The following CHRNB2 variants were observed in gnomAD, a reference collection of about 807,000 sequenced individuals.
CHRNB2 encodes cholinergic receptor nicotinic beta 2 subunit.
Under a neutral mutation model 42.7 loss-of-function variants are expected in CHRNB2, and 33 were observed. The observed-to-expected ratio is 0.77, with a 90% CI of 0.59 to 1.03. CHRNB2 has a LOEUF of 1.03. Among genes scored for constraint, CHRNB2 ranks in the 50% least tolerant of loss-of-function variants. The probability of loss-of-function intolerance (pLI) is 0.00; values close to 1 mark genes in which losing one functional copy is unlikely to be tolerated. For missense variants in CHRNB2, 603 were observed against 700.9 expected, an observed-to-expected ratio of 0.86 and a Z score of 1.58; for synonymous variants, 325 against 292.9, an observed-to-expected ratio of 1.11 and a Z score of -1.12.
chr1:154,571,328 T>G lies in CHRNB2; in HGVS notation c.505T>G (p.Cys169Gly). 1 of 1,614,220 alleles carries G rather than the reference T, an allele frequency of 6.2e-7. No individual in the cohort carries two copies. Among genetic ancestry groups the G allele is most frequent in the Non-Finnish European group, 8.5e-7 (1 of 1,180,036 alleles). The change falls in exon 5 of 6, where the codon TGC becomes GGC. Residue 169 changes from cysteine (C) to glycine (G), a missense_variant. By Grantham distance (159) the Cys-to-Gly change is radical. Transcript: ENST00000368476. This position sits in a 1 kb window ranked among gnomAD's most constrained non-coding sequence, Gnocchi z 6.8. ...VKHFPFDQQNCTMKFRSWTYD... is the reference protein window; with the variant it reads ...VKHFPFDQQNGTMKFRSWTYD... The stretch of plus-strand genomic sequence containing the variant: ...GCACTTCCCATTTGACCAGCAGAAC[T>G]GCACCATGAAGTTCCGTTCGTGGAC...
rs370886747 is a variant in CHRNB2, at chr1:154,571,471, C to T, written c.648C>T (p.Pro216=). Residue 216 remains proline (P), a synonymous_variant, in exon 5 of 6, where the codon CCC becomes CCT. Coordinates refer to ENST00000368476, the MANE Select transcript of CHRNB2 (RefSeq NM_000748.3). This position sits in a 1 kb window ranked among gnomAD's most constrained non-coding sequence, Gnocchi z 6.8. ...TGCCGGGCCGGCGCAACGAGAACCC[C>T]GACGACTCTACGTACGTGGACATCA... ...VALPGRRNEN[P]DDSTYVDITY... The T allele has an allele frequency of 1.5e-5, 25 of 1,613,928 alleles. No homozygotes were observed. The highest frequency in any genetic ancestry group is 8.8e-5 in the South Asian group (8 of 91,094).
Position 154,576,244 on chromosome 1 carries a change from A to C in CHRNB2, c.*312A>C. 2.2e-6 allele frequency: 1 copy of C among 464,006 alleles called. No individual in the cohort carries two copies. Among genetic ancestry groups the C allele is most frequent in the Non-Finnish European group, 4.0e-6 (1 of 249,628 alleles). 28.7% of individuals were successfully genotyped at this position (464,006 alleles called of 1,614,324 possible). On this transcript the variant is annotated 3_prime_UTR_variant, in exon 6 of 6. Transcript: ENST00000368476. The stretch of plus-strand genomic sequence containing the variant: ...GCAGAGCCATCCACCCTGAGGAGTG[A>C]TGGGCAAGGGGCCAGGAAGGGGACA...
At chr1:154,573,092 G>A (rs1281389208) in intron 5 of CHRNB2, among the ~76,000 whole-genome samples, 1 of 152,160 alleles carries the variant, frequency 6.6e-6, no homozygotes, top group Admixed American at 6.5e-5. Flanking sequence ...TGCGGTGTGG[G>A]CCTCAGAGAT....
chr1:154,571,408 C>T lies in CHRNB2; in HGVS notation c.585C>T (p.Asp195=), dbSNP rs764809084. The T allele has an allele frequency of 2.5e-6, 4 of 1,614,202 alleles. No homozygotes were observed. The highest frequency in any genetic ancestry group is 1.1e-5 in the South Asian group (1 of 91,086). The change falls in exon 5 of 6, where the codon GAC becomes GAT. Residue 195 remains aspartate, a synonymous_variant. Coordinates refer to ENST00000368476, the MANE Select transcript of CHRNB2 (RefSeq NM_000748.3). The surrounding 1 kb of genome is among the most constrained non-coding windows in gnomAD (Gnocchi z 6.8). ...TGAAGAGTGAGGTGGCCAGCCTGGA[C>T]GACTTCACACCTAGTGGTGAGTGGG... The part of the protein sequence containing the change: ...LVLKSEVASL[D]DFTPSGEWDI...
intron 5 of CHRNB2, among the ~76,000 whole-genome samples, chr1:154,573,559 T>G (rs990774210): frequency 2.6e-5 from 4 of 152,178 alleles, no homozygotes; most frequent in African/African-American, 9.7e-5. Flanking sequence ...CTCAGCTTCA[T>G]CTGTTTTTCA....
chr1:154,578,982 GCTCT>G lies in CHRNB2; in HGVS notation c.*3053_*3056del, dbSNP rs1696335474. On this transcript the variant is annotated 3_prime_UTR_variant, in exon 6 of 6. Coordinates refer to ENST00000368476, the MANE Select transcript of CHRNB2 (RefSeq NM_000748.3). The stretch of plus-strand genomic sequence containing the variant: ...TTGTCTGAAAAGAAGGCATGCACAG[GCTCT>G]CTGCTTTTGACAGGTGGCGTTGCAG... 6.6e-6 allele frequency: 1 copy of G among 152,238 alleles called. No homozygotes were observed. Among genetic ancestry groups the G allele is most frequent in the Non-Finnish European group, 1.5e-5 (1 of 68,056 alleles). 9.4% of individuals were successfully genotyped at this position (152,238 alleles called of 1,614,324 possible). A position where few individuals can be genotyped will look rare whatever the true frequency, so the allele number is the denominator to read the frequency against.
Position 154,568,024 on chromosome 1 carries a change from G to A in CHRNB2, c.-21G>A, listed in dbSNP as rs1306314057. The A allele has an allele frequency of 1.3e-6, 2 of 1,566,000 alleles. No individual in the cohort carries two copies. Among genetic ancestry groups the A allele is most frequent in the Admixed American group, 1.8e-5 (1 of 54,506 alleles). ...GCGCGCTCCAGCCGGTGTAGGCGAG[G>A]CAGCGAGCTATGCCCGCGGCATGGC... is the stretch of plus-strand genomic sequence containing the variant. On this transcript the variant is annotated 5_prime_UTR_variant, in exon 1 of 6. Coordinates refer to ENST00000368476, the MANE Select transcript of CHRNB2 (RefSeq NM_000748.3).
At position 154,579,799 on chromosome 1, in the gene CHRNB2, G is replaced by T. The variant is rs1373512587; in HGVS notation, c.*3867G>T. 1.3e-5 allele frequency: 2 copies of T among 152,294 alleles called. No individual in the cohort carries two copies. The highest frequency in any genetic ancestry group is 2.9e-5 in the Non-Finnish European group (2 of 68,120). 9.4% of individuals were successfully genotyped at this position (152,294 alleles called of 1,614,324 possible). On this transcript the variant is annotated 3_prime_UTR_variant, in exon 6 of 6. Transcript: ENST00000368476. ...TTGGCCTCCCCGCTCTGCACGCCTG[G>T]AGTATTTGCACTGGTCTAGCCTACT...
Position 154,577,409 on chromosome 1 carries a change from C to A in CHRNB2, c.*1477C>A. On this transcript the variant is annotated 3_prime_UTR_variant, in exon 6 of 6. Transcript: ENST00000368476. ...GCACAGAGCATGGGACAGGGACCCC[C>A]GAGTCTGGATTCAAGTCCTGGCCCT... 1 of 152,374 alleles carries A rather than the reference C, an allele frequency of 6.6e-6. No homozygotes were observed. 9.4% of individuals were successfully genotyped at this position (152,374 alleles called of 1,614,324 possible). A position where few individuals can be genotyped will look rare whatever the true frequency, so the allele number is the denominator to read the frequency against.
chr1:154,576,365 A>G lies in CHRNB2; in HGVS notation c.*433A>G, dbSNP rs185006462. On this transcript the variant is annotated 3_prime_UTR_variant, in exon 6 of 6. Coordinates refer to ENST00000368476, the MANE Select transcript of CHRNB2 (RefSeq NM_000748.3). ...CACCGCACCGGGCTGGCCTGACACAATGGTAGCTCTGAAGGGAGGGGAAGA... is the reference window on the plus strand; with the variant it reads ...CACCGCACCGGGCTGGCCTGACACAGTGGTAGCTCTGAAGGGAGGGGAAGA... 2.9e-5 allele frequency: 9 copies of G among 306,446 alleles called. No individual in the cohort carries two copies. Among genetic ancestry groups the G allele is most frequent in the Middle Eastern group, 1.1e-3 (1 of 870 alleles). The allele number at this position is 306,446 out of a possible 1,614,324, so 19.0% of individuals were successfully genotyped here. A position where few individuals can be genotyped will look rare whatever the true frequency, so the allele number is the denominator to read the frequency against.
intron 5 of CHRNB2, among the ~76,000 whole-genome samples, chr1:154,574,918 C>T (rs1696243215): frequency 6.6e-6 from 1 of 152,232 alleles, no homozygotes; most frequent in Non-Finnish European, 1.5e-5. Flanking sequence ...CACAAAGGCC[C>T]AGACTCAGGC....
intron 5 of CHRNB2, among the ~76,000 whole-genome samples, chr1:154,573,363 A>T (rs1182782198): frequency 6.6e-6 from 1 of 152,218 alleles, no homozygotes; most frequent in Non-Finnish European, 1.5e-5. Flanking sequence ...AACATGCTCA[A>T]AACTGAGTAT....
At chr1:154,569,957 T>TA in intron 3 of CHRNB2, 121 bp downstream of exon 3, 1 of 1,137,818 alleles carries the variant, frequency 8.8e-7, no homozygotes, top group Admixed American at 2.0e-5. Context: ...TTTGGAGTCC[T>TA]AAACAATTGG....
chr1:154,568,704 G>T (rs747757694), intron 1 of CHRNB2, among the ~76,000 whole-genome samples: 1 of 151,978 alleles, frequency 6.6e-6, no homozygotes, highest in South Asian at 2.1e-4. Context: ...GGGTGTGTTC[G>T]TGCAGAGTTG....
At chr1:154,572,929 C>G (rs550506337) in intron 5 of CHRNB2, among the ~76,000 whole-genome samples, 164 of 152,252 alleles carry the variant, frequency 1.1e-3, no homozygotes, top group Non-Finnish European at 1.7e-3. Context: ...GACATCCCCC[C>G]GACCCCGCAC....
chr1:154,572,696 T>C (rs1696201094), intron 5 of CHRNB2, among the ~76,000 whole-genome samples: 1 of 152,012 alleles, frequency 6.6e-6, no homozygotes, highest in Non-Finnish European at 1.5e-5. Context: ...TCCAGGAGCC[T>C]GCTTGTGGTG....
Position 154,575,820 on chromosome 1 carries a change from T to C in CHRNB2, c.1397T>C (p.Phe466Ser). The change falls in exon 6 of 6, where the codon TTT becomes TCT. Residue 466 changes from phenylalanine (F) to serine (S), a missense_variant. This residue lies in a region of CHRNB2 where 270 missense variants were observed against 248.3 expected (regional missense o/e 1.09). Transcript: ENST00000368476. The stretch of plus-strand genomic sequence containing the variant: ...ATCGACCGCCTCTTCCTCTGGATCT[T>C]TGTCTTTGTCTGTGTCTTTGGCACC... ...MVIDRLFLWIFVFVCVFGTIG... is the reference protein window; with the variant it reads ...MVIDRLFLWISVFVCVFGTIG... 2 of 1,614,168 alleles carry C rather than the reference T, an allele frequency of 1.2e-6. No homozygotes were observed. The highest frequency in any genetic ancestry group is 8.5e-7 in the Non-Finnish European group (1 of 1,180,018).
intron 1 of CHRNB2, among the ~76,000 whole-genome samples, 198 bp from the exon 2 acceptor site, chr1:154,569,264 A>C (rs1430527807): frequency 6.6e-6 from 1 of 150,970 alleles, no homozygotes; most frequent in Non-Finnish European, 1.5e-5. Context: ...CTCTTTGGTC[A>C]GTGGTCTCAG....
Position 154,568,016 on chromosome 1 carries a change from T to A in CHRNB2, c.-29T>A, listed in dbSNP as rs1430142429. ...CCCCGGCGGCGCGCTCCAGCCGGTG[T>A]AGGCGAGGCAGCGAGCTATGCCCGC... On this transcript the variant is annotated 5_prime_UTR_variant, in exon 1 of 6. Transcript: ENST00000368476. The A allele has an allele frequency of 1.3e-6, 2 of 1,549,320 alleles. No individual in the cohort carries two copies. The highest frequency in any genetic ancestry group is 1.4e-5 in the African/African-American group (1 of 72,584).
Sources: allele counts gnomAD v4.1 joint callset (sites outside exome capture counted in the v4.1 genomes callset), GRCh38; gene constraint gnomAD v4.1.1; regional missense constraint gnomAD v4.1.1; non-coding constraint Gnocchi (gnomAD v3.1); transcripts MANE v1.5; gene names NCBI Gene and HGNC (gene_info 2026-07-23, HGNC 2026-07-21).